NUP98: variants seen among roughly 807,000 people sequenced by gnomAD.
NUP98 encodes the protein nuclear pore complex protein Nup98-Nup96.
A neutral mutation model predicts 191.9 loss-of-function variants in NUP98; 26 were observed. The ratio of observed to expected loss-of-function variants is 0.14; its 90% CI spans 0.10 to 0.19. NUP98 has a LOEUF of 0.19. NUP98 is among the 10% of genes least tolerant of loss of function. The pLI, the probability that NUP98 is intolerant of heterozygous loss-of-function variation, is 1.00. For missense variants in NUP98, 1,941 were observed against 2,178.8 expected, an observed-to-expected ratio of 0.89 and a Z score of 2.17; for synonymous variants, 808 against 778.4, an observed-to-expected ratio of 1.04 and a Z score of -0.63.
chr11:3,691,131 A>G (rs2078299026), intron 28 of NUP98, among the ~76,000 whole-genome samples: 1 of 152,242 alleles, frequency 6.6e-6, no homozygotes, highest in Admixed American at 6.5e-5. Context: ...ATACTTTATT[A>G]TATGTAAACT....
In NUP98 at chr11:3,725,417, C is replaced by T. The variant is rs564506461; in HGVS notation, c.1731-198G>A. 2.6e-5 allele frequency among the ~76,000 whole-genome samples: 4 copies of T among 152,298 alleles called. No individual in the cohort carries two copies. In the East Asian group the frequency reaches 7.7e-4, roughly 29 times the overall value. ...AACACAAGGTGTCAAATACATTGTA[C>T]TATGGTGTTTGGAAGAATAAAGCTG... On this transcript the variant is annotated intron_variant, in intron 14 of 32. Coordinates refer to ENST00000324932, the MANE Select transcript of NUP98 (RefSeq NM_016320.5).
At chr11:3,781,919 A>G (rs1037902462) in intron 2 of NUP98, 123 bp downstream of exon 2, 23 of 555,746 alleles carry the variant, frequency 4.1e-5, no homozygotes, top group Admixed American at 1.9e-4. Flanking sequence ...TATTTTTTCA[A>G]GACGACTTTG....
intron 18 of NUP98, among the ~76,000 whole-genome samples, chr11:3,716,278 T>C (rs1312421522): frequency 2.0e-5 from 3 of 152,194 alleles, no homozygotes; most frequent in Admixed American, 1.3e-4. Context: ...CTCTTTTGTA[T>C]GTGGATATCC....
intron 30 of NUP98, 170 bp from the exon 31 acceptor site, chr11:3,679,878 A>C: frequency 1.5e-6 from 1 of 656,780 alleles, no homozygotes; most frequent in Non-Finnish European, 2.5e-6. Context: ...ATTTCAGACC[A>C]CCACAATAAA....
Position 3,782,072 on chromosome 11 carries a change from C to T in NUP98, c.46G>A (p.Gly16Ser). 1.2e-6 allele frequency: 2 copies of T among 1,612,884 alleles called. No individual in the cohort carries two copies. Among genetic ancestry groups the T allele is most frequent in the Non-Finnish European group, 1.7e-6 (2 of 1,179,508 alleles). ...CCAAATGTTGAAGTTGTGCCAAAGC[C>T]ACCTGTGCCACCCCCAAAGGGTGTT... The part of the protein sequence containing the change: ...FGTPFGGGTG[G>S]FGTTSTFGQN... Residue 16 changes from glycine to serine, a missense_variant, in exon 2 of 33, where the codon GGC becomes AGC. Gly to Ser is a moderately conservative substitution (Grantham distance 56). Transcript: ENST00000324932.
intron 31 of NUP98, 131 bp downstream of exon 31, chr11:3,679,423 A>G (rs1476332023): frequency 1.9e-6 from 2 of 1,073,336 alleles, no homozygotes; most frequent in South Asian, 2.5e-5. Flanking sequence ...GAGCCTCAGC[A>G]AGATGCCTGC....
At chr11:3,740,218 T>G (rs964766569) in intron 12 of NUP98, among the ~76,000 whole-genome samples, 4 of 151,900 alleles carry the variant, frequency 2.6e-5, no homozygotes, top group Non-Finnish European at 4.4e-5. Context: ...AAAGAATTAA[T>G]GGAAAGTCTA....
In NUP98 at chr11:3,741,380, G is replaced by C. The variant is rs547531372; in HGVS notation, c.1408+3129C>G. Among the ~76,000 whole-genome samples the C allele has an allele frequency of 3.3e-5, 5 of 152,070 alleles. No individual in the cohort carries two copies. The South Asian group carries it at 1.0e-3, about 32-fold the overall frequency. ...CTCATGCCTGTAATCCCAGCACTTT[G>C]GGAGGCTGAGGCAGGTGGATCACCT... On this transcript the variant is annotated intron_variant, in intron 12 of 32. Coordinates refer to ENST00000324932, the MANE Select transcript of NUP98 (RefSeq NM_016320.5).
At chr11:3,702,311 ACACTCT>A (rs1235650300) in intron 23 of NUP98, 146 bp downstream of exon 23, 103 of 423,990 alleles carry the variant, frequency 2.4e-4, no homozygotes, top group African/African-American at 1.1e-3. Flanking sequence ...ACACACACAC[ACACTCT>A]CTCTCTCTCT....
chr11:3,771,992 T>C, intron 6 of NUP98, 64 bp from the exon 7 acceptor site: 1 of 1,381,718 alleles, frequency 7.2e-7, no homozygotes, highest in Non-Finnish European at 1.0e-6. Context: ...TTTAGGAGGC[T>C]AAATACTTGA....
Position 3,693,317 on chromosome 11 carries a change from C to A in NUP98, c.4226G>T (p.Arg1409Leu). The change falls in exon 27 of 33, where the codon CGC becomes CTC. Residue 1409 changes from arginine (R) to leucine (L), a missense_variant. Physicochemically the swap from Arg to Leu is moderately radical, Grantham distance 102. Transcript: ENST00000324932. ...ATACCAAAGATGGATAGCCAGGGAGCGTTTCCAATCCAACTGGGAGCACAC... is the reference window on the plus strand; with the variant it reads ...ATACCAAAGATGGATAGCCAGGGAGAGTTTCCAATCCAACTGGGAGCACAC... ...INVCSQLDWKRSLAIHLWYLL... is the reference protein window; with the variant it reads ...INVCSQLDWKLSLAIHLWYLL... 1 of 1,614,154 alleles carries A rather than the reference C, an allele frequency of 6.2e-7. No homozygotes were observed. Among genetic ancestry groups the A allele is most frequent in the Non-Finnish European group, 8.5e-7 (1 of 1,180,004 alleles).
intron 24 of NUP98, among the ~76,000 whole-genome samples, chr11:3,700,179 C>T (rs1484001155): frequency 6.6e-6 from 1 of 151,508 alleles, no homozygotes; most frequent in Non-Finnish European, 1.5e-5. Context: ...TATGGTGAAA[C>T]CCTGTCTCTA....
chr11:3,675,639 G>A lies in NUP98; in HGVS notation c.*520C>T, dbSNP rs2077784740. The A allele has an allele frequency of 1.2e-5, 3 of 240,538 alleles. No individual in the cohort carries two copies. In the South Asian group the frequency reaches 4.2e-4, roughly 34 times the overall value. 14.9% of individuals were successfully genotyped at this position (240,538 alleles called of 1,614,324 possible). ...AGATCCCATTTTGTTTCCTAACTCA[G>A]GCCAACCCTCCTTTGCCTCCAAAAT... On this transcript the variant is annotated 3_prime_UTR_variant, in exon 33 of 33. Coordinates refer to ENST00000324932, the MANE Select transcript of NUP98 (RefSeq NM_016320.5).
chr11:3,739,272 CAG>C (rs1446353128), intron 12 of NUP98, among the ~76,000 whole-genome samples: 2 of 151,754 alleles, frequency 1.3e-5, no homozygotes, highest in African/African-American at 4.8e-5. Flanking sequence ...TTTTTTGAGA[CAG>C]AGTCTTGCTG....
In NUP98 at chr11:3,700,650, A is replaced by G. The variant is rs752785815; in HGVS notation, c.3702T>C (p.Asp1234=). The G allele has an allele frequency of 3.7e-6, 6 of 1,614,132 alleles. No individual in the cohort carries two copies. Among genetic ancestry groups the G allele is most frequent in the Non-Finnish European group, 5.1e-6 (6 of 1,180,004 alleles). ...AGTCTCCTGATGCTTCTTTAACCCA[A>G]TCTGCATAGTCATGAATGACAGCAA... The part of the protein sequence containing the change: ...LGVAVIHDYA[D]WVKEASGDLP... The change falls in exon 24 of 33, where the codon GAT becomes GAC. Residue 1234 remains aspartate, a synonymous_variant. Transcript: ENST00000324932.
At chr11:3,787,507 C>T (rs1440361101) in intron 1 of NUP98, among the ~76,000 whole-genome samples, 1 of 152,040 alleles carries the variant, frequency 6.6e-6, no homozygotes, top group Non-Finnish European at 1.5e-5. Flanking sequence ...CGCTCGAACC[C>T]GGAAGGCAGA....
chr11:3,775,977 T>C lies in NUP98; in HGVS notation c.400A>G (p.Asn134Asp), dbSNP rs765386326. 3.7e-6 allele frequency: 6 copies of C among 1,613,746 alleles called. No individual in the cohort carries two copies. The highest frequency in any genetic ancestry group is 2.2e-5 in the East Asian group (1 of 44,882). Reference sequence around the variant, plus strand: ...CTGCCAAAAGGATTAGAGGTGGTATTTGTGGTTCCAAAGAGTCCTCCACTG... The same window carrying C: ...CTGCCAAAAGGATTAGAGGTGGTATCTGTGGTTCCAAAGAGTCCTCCACTG... The part of the protein sequence containing the change: ...TSSGGLFGTT[N>D]TTSNPFGSTS... The change falls in exon 5 of 33, where the codon AAT becomes GAT. Residue 134 changes from asparagine to aspartate, a missense_variant. Asn to Asp is a conservative substitution (Grantham distance 23). Around this residue, in one of 6 missense-constraint regions of NUP98, gnomAD observed 154 missense variants for 182.9 expected, o/e 0.84. Transcript: ENST00000324932.
At chr11:3,787,731 T>C (rs774747500) in intron 1 of NUP98, among the ~76,000 whole-genome samples, 5 of 151,864 alleles carry the variant, frequency 3.3e-5, no homozygotes, top group Admixed American at 6.6e-5. Flanking sequence ...CGGTGGCTCA[T>C]GTCTGTAATC....
At chr11:3,744,481 A>T (rs1170418413) in intron 12 of NUP98, 28 bp downstream of exon 12, 16 of 1,571,508 alleles carry the variant, frequency 1.0e-5, no homozygotes, top group Non-Finnish European at 1.4e-5. Context: ...AAAATTAAGA[A>T]AAGCCTTCTA....
Sources: gnomAD v4.1 joint callset for allele counts (sites outside exome capture counted in the v4.1 genomes callset) on GRCh38, gnomAD v4.1.1 for gene constraint, gnomAD v4.1.1 regional missense constraint, MANE v1.5 for transcripts, NCBI Gene and HGNC (gene_info 2026-07-23, HGNC 2026-07-21) for gene names.